The following DIP2B variants were observed in gnomAD, a reference collection of about 807,000 sequenced individuals.
DIP2B encodes disco-interacting protein 2 homolog B.
DIP2B carries 76 observed loss-of-function variants against 198.0 expected under a neutral mutation model. The ratio of observed to expected loss-of-function variants is 0.38; its 90% confidence interval spans 0.32 to 0.46. The LOEUF (loss-of-function observed/expected upper bound fraction) is 0.46, where lower values mean the gene tolerates loss of function less well. DIP2B is among the 20% of genes least tolerant of loss of function. The pLI is 0.99. For synonymous variants in DIP2B, 701 were observed against 739.1 expected (o/e 0.95, Z 0.84); for missense variants, 1,559 against 1,978.4 (o/e 0.79, Z 4.02).
intron 1 of DIP2B, among the ~76,000 whole-genome samples, chr12:50,614,812 C>G (rs1462568652): frequency 6.6e-6 from 1 of 152,172 alleles, no homozygotes; most frequent in Admixed American, 6.5e-5. Context: ...CCACTTTGGC[C>G]TAAGCGACCT....
chr12:50,580,047 G>A lies in DIP2B; in HGVS notation c.101-45929G>A, dbSNP rs115133921. Reference sequence around the variant, plus strand: ...GACCTTGTGGGGCAAAAACAACAGGGAAGGGCCAACCTTGCTAACTTTGTT... The same window carrying A: ...GACCTTGTGGGGCAAAAACAACAGGAAAGGGCCAACCTTGCTAACTTTGTT... On this transcript the variant is annotated intron_variant, in intron 1 of 37. Coordinates refer to ENST00000301180, the MANE Select transcript of DIP2B (RefSeq NM_173602.3). 6.6e-4 allele frequency among the ~76,000 whole-genome samples: 96 copies of A among 144,670 alleles called. 7 individuals are homozygous for A. The highest frequency in any genetic ancestry group is 2.3e-3 in the African/African-American group (91 of 39,590). 94.9% of individuals were successfully genotyped at this position (144,670 alleles called of 152,430 possible).
At chr12:50,599,546 G>T (rs1958917971) in intron 1 of DIP2B, among the ~76,000 whole-genome samples, 1 of 152,130 alleles carries the variant, frequency 6.6e-6, no homozygotes, top group South Asian at 2.1e-4. Context: ...GAACCTGGGA[G>T]GCGGAAGTTG....
Position 50,505,063 on chromosome 12 carries a change from C to T in DIP2B, c.-78C>T. The T allele has an allele frequency of 7.3e-7, 1 of 1,378,634 alleles. No individual in the cohort carries two copies. Among genetic ancestry groups the T allele is most frequent in the Non-Finnish European group, 9.8e-7 (1 of 1,017,884 alleles). The allele number at this position is 1,378,634 out of a possible 1,614,324, so 85.4% of individuals were successfully genotyped here. On this transcript the variant is annotated 5_prime_UTR_variant, in exon 1 of 38. Coordinates refer to ENST00000301180, the MANE Select transcript of DIP2B (RefSeq NM_173602.3). ...CGGCGGCCGGAGCCGGATCCTGTAG[C>T]CGGGTGTGGGCCCGTGTCTGTCCGT...
intron 23 of DIP2B, among the ~76,000 whole-genome samples, chr12:50,715,482 A>G (rs977483875): frequency 2.0e-5 from 3 of 152,052 alleles, no homozygotes; most frequent in Non-Finnish European, 4.4e-5. Flanking sequence ...AGCATATTTA[A>G]AGCTTCTGTT....
At chr12:50,545,605 C>T in intron 1 of DIP2B, among the ~76,000 whole-genome samples, 2 of 151,624 alleles carry the variant, frequency 1.3e-5, no homozygotes, top group Non-Finnish European at 2.9e-5. Context: ...TTGAGCTCCT[C>T]TGCTGAAGAT....
At chr12:50,527,641 T>C (rs775860781) in intron 1 of DIP2B, among the ~76,000 whole-genome samples, 1 of 152,090 alleles carries the variant, frequency 6.6e-6, no homozygotes, top group Non-Finnish European at 1.5e-5. Flanking sequence ...TGCTTTGGAG[T>C]TGAGGCTGCA....
At chr12:50,611,960 A>T (rs1432203522) in intron 1 of DIP2B, among the ~76,000 whole-genome samples, 1 of 152,016 alleles carries the variant, frequency 6.6e-6, no homozygotes. Flanking sequence ...GGACTTTAAG[A>T]AGCCAAGGCA....
chr12:50,697,355 T>C (rs1425858116), intron 17 of DIP2B, among the ~76,000 whole-genome samples, 180 bp downstream of exon 17: 3 of 152,116 alleles, frequency 2.0e-5, no homozygotes, highest in Non-Finnish European at 2.9e-5. Flanking sequence ...TGATATCATT[T>C]CGTATTTGTG....
chr12:50,695,227 AT>A (rs775952281), intron 14 of DIP2B, 39 bp from the exon 15 acceptor site: 1 of 1,546,340 alleles, frequency 6.5e-7, no homozygotes, highest in Admixed American at 1.7e-5. Flanking sequence ...CTAAGTATGT[AT>A]TTTGTATTGA....
chr12:50,714,750 G>A (rs1275244926), intron 23 of DIP2B, among the ~76,000 whole-genome samples, 154 bp downstream of exon 23: 1 of 152,014 alleles, frequency 6.6e-6, no homozygotes, highest in Non-Finnish European at 1.5e-5. Flanking sequence ...AAACAGCCTG[G>A]GCGACATGGT....
At chr12:50,717,936 T>C (rs903763858) in intron 23 of DIP2B, among the ~76,000 whole-genome samples, 2 of 115,820 alleles carry the variant, frequency 1.7e-5, no homozygotes, top group African/African-American at 6.8e-5. Flanking sequence ...AGTCTCGCTC[T>C]GTCGCCATAC....
intron 3 of DIP2B, among the ~76,000 whole-genome samples, chr12:50,656,025 A>T (rs1261738723): frequency 6.6e-6 from 1 of 152,186 alleles, no homozygotes; most frequent in African/African-American, 2.4e-5. Flanking sequence ...GTATGGTAGG[A>T]TTAAGAAATG....
intron 27 of DIP2B, among the ~76,000 whole-genome samples, chr12:50,723,901 A>G (rs913265237): frequency 1.3e-5 from 2 of 152,202 alleles, no homozygotes; most frequent in African/African-American, 4.8e-5. Context: ...TTTACTTGGT[A>G]TAGCATTAAA....
At chr12:50,550,769 G>A (rs1958420699) in intron 1 of DIP2B, among the ~76,000 whole-genome samples, 1 of 152,192 alleles carries the variant, frequency 6.6e-6, no homozygotes, top group Non-Finnish European at 1.5e-5. Context: ...CTTAAAGCTA[G>A]TAACATGTTG....
intron 13 of DIP2B, 29 bp downstream of exon 13, chr12:50,691,180 T>G: frequency 6.3e-7 from 1 of 1,588,248 alleles, no homozygotes; most frequent in Non-Finnish European, 8.6e-7. Flanking sequence ...ACTGCCCTCA[T>G]TGTTACCTTC....
intron 23 of DIP2B, among the ~76,000 whole-genome samples, chr12:50,716,958 CTT>C (rs4026694): frequency 5.1e-4 from 30 of 58,934 alleles, no homozygotes; most frequent in African/African-American, 6.2e-4. Flanking sequence ...CGAATTGTTG[CTT>C]TTTTTTTTTT....
At chr12:50,551,400 G>A (rs1053191342) in intron 1 of DIP2B, among the ~76,000 whole-genome samples, 1 of 152,112 alleles carries the variant, frequency 6.6e-6, no homozygotes, top group African/African-American at 2.4e-5. Flanking sequence ...TCCACCCTGG[G>A]CAACAGAGCG....
rs1425649991 is a variant in DIP2B at position 50,654,091 on chromosome 12, C to T, written c.302-6103C>T. 2.6e-5 allele frequency among the ~76,000 whole-genome samples: 4 copies of T among 152,122 alleles called. No individual in the cohort carries two copies. The East Asian group carries it at 7.8e-4, about 30-fold the overall frequency. On this transcript the variant is annotated intron_variant, in intron 3 of 37. Coordinates refer to ENST00000301180, the MANE Select transcript of DIP2B (RefSeq NM_173602.3). ...GTTTTACCTTGTTGGCCAGGCTGTT[C>T]TGGAACTCCTGGCCTCAGATGATCT... is the stretch of plus-strand genomic sequence containing the variant.
chr12:50,629,966 T>TA (rs1555188591), intron 2 of DIP2B, among the ~76,000 whole-genome samples: 29,798 of 147,286 alleles, frequency 0.2, 3,640 homozygotes, highest in Non-Finnish European at 0.28. Flanking sequence ...TTTTTTTTTT[T>TA]AATGAGACAG....
Sources: gnomAD v4.1 joint callset for allele counts (sites outside exome capture counted in the v4.1 genomes callset) on GRCh38, gnomAD v4.1.1 for gene constraint, MANE v1.5 for transcripts, NCBI Gene and HGNC (gene_info 2026-07-23, HGNC 2026-07-21) for gene names.